The following ANKRD13C variants were observed in gnomAD, a reference collection of about 807,000 sequenced individuals.
The protein encoded by ANKRD13C is ankyrin repeat domain 13C.
ANKRD13C carries 16 observed loss-of-function variants against 65.5 expected under a neutral mutation model. That is an observed-to-expected ratio of 0.24 (90% CI 0.17 to 0.37). The LOEUF (loss-of-function observed/expected upper bound fraction) is 0.37. Among genes scored for constraint, ANKRD13C ranks in the 10% least tolerant of loss-of-function variants. The pLI is 1.00. For synonymous variants in ANKRD13C, 235 were observed against 238.7 expected (o/e 0.98, Z 0.14); for missense variants, 503 against 655.9 (o/e 0.77, Z 2.55).
chr1:70,262,943 T>TAAAAAAAAAAAAAAAAAAAA (rs34241203), intron 12 of ANKRD13C, 96 bp from the exon 13 acceptor site: 14 of 460,542 alleles, frequency 3.0e-5, no homozygotes, highest in African/African-American at 2.2e-4. Context: ...CCTTAAAATG[T>TAAAAAAAAAAAAAAAAAAAA]AAAAAAAAAA....
rs1309287998 is a variant in ANKRD13C at position 70,259,341 on chromosome 1, C to G, written c.*3376G>C. 6.6e-6 allele frequency among the ~76,000 whole-genome samples: 1 copy of G among 152,174 alleles called. No homozygotes were observed. Among genetic ancestry groups the G allele is most frequent in the East Asian group, 1.9e-4 (1 of 5,192 alleles). On this transcript the variant is annotated 3_prime_UTR_variant, in exon 13 of 13. Coordinates refer to ENST00000370944, the MANE Select transcript of ANKRD13C (RefSeq NM_030816.5). ...CCAAGAATGATTAACAAGCACCTTT[C>G]TTAGAAGTTCTTAAGATTTTGCTTC...
rs1678390982 is a variant in ANKRD13C, at chr1:70,261,592, A to G, written c.*1125T>C. ...ACATGATTTTATCACTTTGGAGACA[A>G]TGAAATCAATATTTTCCTGTGATTT... On this transcript the variant is annotated 3_prime_UTR_variant, in exon 13 of 13. Coordinates refer to ENST00000370944, the MANE Select transcript of ANKRD13C (RefSeq NM_030816.5). 6.6e-6 allele frequency: 1 copy of G among 152,330 alleles called. No individual in the cohort carries two copies. Among genetic ancestry groups the G allele is most frequent in the Admixed American group, 6.6e-5 (1 of 15,258 alleles). The allele number at this position is 152,330 out of a possible 1,614,324, so 9.4% of individuals were successfully genotyped here.
Position 70,261,389 on chromosome 1 carries a change from T to C in ANKRD13C, c.*1328A>G, listed in dbSNP as rs1410271120. On this transcript the variant is annotated 3_prime_UTR_variant, in exon 13 of 13. Coordinates refer to ENST00000370944, the MANE Select transcript of ANKRD13C (RefSeq NM_030816.5). ...TGGTCAGTCTAAAAAACTTGACAGA[T>C]GCATTCTTGAGACATTCATCAGGAT... is the stretch of plus-strand genomic sequence containing the variant. 6.6e-6 allele frequency: 1 copy of C among 152,098 alleles called. No individual in the cohort carries two copies. Among genetic ancestry groups the C allele is most frequent in the Non-Finnish European group, 1.5e-5 (1 of 67,962 alleles). 9.4% of individuals were successfully genotyped at this position (152,098 alleles called of 1,614,324 possible).
At chr1:70,271,005 G>T (rs1445724482) in intron 11 of ANKRD13C, 49 bp from the exon 12 acceptor site, 1 of 1,193,838 alleles carries the variant, frequency 8.4e-7, no homozygotes. Context: ...AAATTGCCTT[G>T]TGTCCTTATG....
chr1:70,346,783 G>T (rs1410865911), intron 1 of ANKRD13C, among the ~76,000 whole-genome samples: 2 of 152,086 alleles, frequency 1.3e-5, no homozygotes, highest in Non-Finnish European at 2.9e-5. Flanking sequence ...AACAGCCCGA[G>T]TGAGCCTTTT....
chr1:70,354,593 G>A lies in ANKRD13C; in HGVS notation c.-185C>T, dbSNP rs1414701538. 1 of 1,356,776 alleles carries A rather than the reference G, an allele frequency of 7.4e-7. No homozygotes were observed. Among genetic ancestry groups the A allele is most frequent in the Non-Finnish European group, 9.7e-7 (1 of 1,029,762 alleles). The allele number at this position is 1,356,776 out of a possible 1,614,324, so 84.0% of individuals were successfully genotyped here. ...GAAGAGCCGGCTCTCGCCTAGGCAC[G>A]AAGGGACGCGCGCTCGCTGGGGGAA... On this transcript the variant is annotated 5_prime_UTR_variant, in exon 1 of 13. Coordinates refer to ENST00000370944, the MANE Select transcript of ANKRD13C (RefSeq NM_030816.5).
intron 1 of ANKRD13C, among the ~76,000 whole-genome samples, chr1:70,351,458 G>A (rs548349473): frequency 5.0e-4 from 76 of 152,114 alleles, no homozygotes; most frequent in South Asian, 1.2e-3. Flanking sequence ...GGAGTGCAAC[G>A]GTGCGATCTT....
intron 9 of ANKRD13C, among the ~76,000 whole-genome samples, chr1:70,281,165 T>A (rs935406438): frequency 2.0e-5 from 3 of 152,022 alleles, no homozygotes; most frequent in African/African-American, 7.3e-5. Flanking sequence ...ATAGATGTGG[T>A]GATATGACGG....
intron 2 of ANKRD13C, among the ~76,000 whole-genome samples, chr1:70,335,191 G>C (rs1681967814): frequency 6.6e-6 from 1 of 152,090 alleles, no homozygotes; most frequent in Non-Finnish European, 1.5e-5. Flanking sequence ...CGGATCATGA[G>C]GTCAGGAGAT....
intron 11 of ANKRD13C, among the ~76,000 whole-genome samples, chr1:70,272,546 T>G (rs1678937818): frequency 6.6e-6 from 1 of 151,810 alleles, no homozygotes; most frequent in African/African-American, 2.4e-5. Context: ...TTTTCAAGAG[T>G]AGTGGTTATA....
chr1:70,349,109 A>G (rs112175274), intron 1 of ANKRD13C, among the ~76,000 whole-genome samples: 3,539 of 152,306 alleles, frequency 0.023, 69 homozygotes, highest in Non-Finnish European at 0.034. Context: ...AATCTTCTAT[A>G]CGTTTCATAT....
At chr1:70,331,652 GC>G (rs1384706983) in intron 2 of ANKRD13C, among the ~76,000 whole-genome samples, 2 of 151,762 alleles carry the variant, frequency 1.3e-5, no homozygotes, top group Admixed American at 6.6e-5. Flanking sequence ...GACCAGCCTG[GC>G]CAACATGGTG....
At chr1:70,282,416 A>G (rs919762373) in intron 9 of ANKRD13C, among the ~76,000 whole-genome samples, 1 of 152,146 alleles carries the variant, frequency 6.6e-6, no homozygotes, top group African/African-American at 2.4e-5. Flanking sequence ...AGAGAAGACA[A>G]AAGAAAAAAA....
chr1:70,262,924 G>T, intron 12 of ANKRD13C, 77 bp from the exon 13 acceptor site: 73 of 809,116 alleles, frequency 9.0e-5, no homozygotes, highest in Non-Finnish European at 1.1e-4. Context: ...TATTGGAGAT[G>T]TCCATACTCC....
At chr1:70,287,823 A>G (rs1679687895) in intron 9 of ANKRD13C, among the ~76,000 whole-genome samples, 1 of 152,180 alleles carries the variant, frequency 6.6e-6, no homozygotes, top group Admixed American at 6.5e-5. Context: ...TCTGGGCAAC[A>G]TGGTGAGACC....
intron 2 of ANKRD13C, among the ~76,000 whole-genome samples, chr1:70,329,918 C>T (rs1362882292): frequency 6.6e-6 from 1 of 151,814 alleles, no homozygotes; most frequent in Non-Finnish European, 1.5e-5. Flanking sequence ...TGGTGAAACC[C>T]CAGCTCTACT....
chr1:70,315,915 C>T (rs926568816), intron 3 of ANKRD13C, among the ~76,000 whole-genome samples: 3 of 152,114 alleles, frequency 2.0e-5, no homozygotes, highest in Non-Finnish European at 2.9e-5. Context: ...CAACCTATAC[C>T]ATATTCACAC....
intron 10 of ANKRD13C, among the ~76,000 whole-genome samples, 155 bp downstream of exon 10, chr1:70,276,610 T>G (rs1384943382): frequency 6.6e-6 from 1 of 152,200 alleles, no homozygotes; most frequent in South Asian, 2.1e-4. Context: ...TTATCATATT[T>G]AATCCATATT....
intron 5 of ANKRD13C, among the ~76,000 whole-genome samples, chr1:70,307,880 C>G (rs1009432508): frequency 6.6e-6 from 1 of 151,954 alleles, no homozygotes; most frequent in Non-Finnish European, 1.5e-5. Context: ...GGCCAGGAGT[C>G]GAAGGCTGAA....
Sources: allele counts gnomAD v4.1 joint callset (sites outside exome capture counted in the v4.1 genomes callset), GRCh38; gene constraint gnomAD v4.1.1; transcripts MANE v1.5; gene names NCBI Gene and HGNC (gene_info 2026-07-23, HGNC 2026-07-21).